The following YWHAH variants were observed in gnomAD, a reference collection of about 807,000 sequenced individuals.
The protein encoded by YWHAH is tyrosine 3-monooxygenase/tryptophan 5-monooxygenase activation protein eta.
A neutral mutation model predicts 22.9 loss-of-function variants in YWHAH; 6 were observed. The ratio of observed to expected loss-of-function variants is 0.26; its 90% CI spans 0.14 to 0.52. The LOEUF is 0.52. YWHAH is among the 20% of genes least tolerant of loss of function. YWHAH has a pLI of 0.97. For synonymous variants in YWHAH, 135 were observed against 124.5 expected (o/e 1.08, Z -0.56); for missense variants, 173 against 308.6 (o/e 0.56, Z 3.29).
chr22:31,944,923 G>T, intron 1 of YWHAH, 103 bp downstream of exon 1: 6 of 1,141,018 alleles, frequency 5.3e-6, no homozygotes, highest in Non-Finnish European at 6.5e-6. Flanking sequence ...TGGGCGACCC[G>T]GCGACCCGGC....
chr22:31,944,704 GGC>G lies in YWHAH; in HGVS notation c.-26_-25del. On this transcript the variant is annotated 5_prime_UTR_variant, in exon 1 of 2. Transcript: ENST00000248975. ...GAGGGCTAGCGAGCCAGCGGTGTGA[GGC>G]GCGAGGCGAGGCCGAGCCGCGAGCG... 2 of 1,357,946 alleles carry G rather than the reference GGC, an allele frequency of 1.5e-6. No individual in the cohort carries two copies. Among genetic ancestry groups the G allele is most frequent in the Non-Finnish European group, 1.9e-6 (2 of 1,045,566 alleles). The allele number at this position is 1,357,946 out of a possible 1,614,324, so 84.1% of individuals were successfully genotyped here.
At chr22:31,945,302 T>G in intron 1 of YWHAH, 1 of 1,202,918 alleles carries the variant, frequency 8.3e-7, no homozygotes, top group Non-Finnish European at 1.1e-6. Context: ...CCGATCTGTT[T>G]TGCTCTGCTC....
chr22:31,945,379 C>T (rs2093832483), intron 1 of YWHAH: 9 of 1,286,902 alleles, frequency 7.0e-6, no homozygotes, highest in Non-Finnish European at 8.2e-6. Context: ...AGACCCCTTT[C>T]CTGCAGTCTA....
chr22:31,950,462 C>G (rs776814990), intron 1 of YWHAH: 1 of 773,166 alleles, frequency 1.3e-6, no homozygotes, highest in South Asian at 1.3e-5. Flanking sequence ...CCTGGCACAG[C>G]TTCTGAAGCC....
Position 31,957,038 on chromosome 22 carries a change from G to T in YWHAH, c.*246G>T. On this transcript the variant is annotated 3_prime_UTR_variant, in exon 2 of 2. Transcript: ENST00000248975. Reference sequence around the variant, plus strand: ...GTGTGGAGAAGTGTGTTCTGATGAGGCATTTTACTATGCCTGTTGATCTAT... The same window carrying T: ...GTGTGGAGAAGTGTGTTCTGATGAGTCATTTTACTATGCCTGTTGATCTAT... 2.3e-6 allele frequency: 1 copy of T among 443,742 alleles called. No individual in the cohort carries two copies. The highest frequency in any genetic ancestry group is 4.0e-6 in the Non-Finnish European group (1 of 252,464). 27.5% of individuals were successfully genotyped at this position (443,742 alleles called of 1,614,324 possible). A position where few individuals can be genotyped will look rare whatever the true frequency, so the allele number is the denominator to read the frequency against.
intron 1 of YWHAH, among the ~76,000 whole-genome samples, chr22:31,951,426 G>A (rs2093843165): frequency 6.6e-6 from 1 of 152,202 alleles, no homozygotes; most frequent in Non-Finnish European, 1.5e-5. Flanking sequence ...ATTCGAGTGA[G>A]GTAGCATTAC....
At chr22:31,944,859 G>A (rs775885217) in intron 1 of YWHAH, 39 bp downstream of exon 1, 5 of 1,301,982 alleles carry the variant, frequency 3.8e-6, no homozygotes, top group South Asian at 1.8e-5. Context: ...GCCGGGGGGG[G>A]CCTGGCGTTG....
chr22:31,949,955 C>T (rs2093840762), intron 1 of YWHAH, among the ~76,000 whole-genome samples: 1 of 137,932 alleles, frequency 7.2e-6, no homozygotes, highest in African/African-American at 2.5e-5. Flanking sequence ...GGGTGCAAGT[C>T]ATTTTTTTTT....
intron 1 of YWHAH, among the ~76,000 whole-genome samples, chr22:31,953,454 G>A (rs769529063): frequency 3.3e-5 from 5 of 152,222 alleles, no homozygotes; most frequent in Admixed American, 2.6e-4. Context: ...ATGCAGGTGT[G>A]AGATGTGCCA....
At chr22:31,944,999 C>T (rs2093831497) in intron 1 of YWHAH, 179 bp downstream of exon 1, 2 of 1,119,638 alleles carry the variant, frequency 1.8e-6, no homozygotes, top group African/African-American at 3.3e-5. Context: ...CCGCCACTTC[C>T]TGAGGCTGGG....
intron 1 of YWHAH, chr22:31,945,699 C>T (rs993280761): frequency 1.3e-5 from 16 of 1,238,828 alleles, no homozygotes; most frequent in Non-Finnish European, 1.7e-5. Context: ...ATTTCCTCTC[C>T]CTGCGTCAAG....
chr22:31,956,992 C>T lies in YWHAH; in HGVS notation c.*200C>T. Reference sequence around the variant, plus strand: ...TGGACTGATGGTTGCTTTGAGCCCACAGGAGCTCCCTTTTTGAATTGTGTG... The same window carrying T: ...TGGACTGATGGTTGCTTTGAGCCCATAGGAGCTCCCTTTTTGAATTGTGTG... On this transcript the variant is annotated 3_prime_UTR_variant, in exon 2 of 2. Coordinates refer to ENST00000248975, the MANE Select transcript of YWHAH (RefSeq NM_003405.4). The surrounding 1 kb of genome is among the most constrained non-coding windows in gnomAD (Gnocchi z 5.1). 1.6e-6 allele frequency: 1 copy of T among 637,224 alleles called. No homozygotes were observed. The highest frequency in any genetic ancestry group is 2.6e-6 in the Non-Finnish European group (1 of 388,614). 39.5% of individuals were successfully genotyped at this position (637,224 alleles called of 1,614,324 possible). A position where few individuals can be genotyped will look rare whatever the true frequency, so the allele number is the denominator to read the frequency against.
Position 31,944,697 on chromosome 22 carries a change from G to T in YWHAH, c.-37G>T, listed in dbSNP as rs1277586999. On this transcript the variant is annotated 5_prime_UTR_variant, in exon 1 of 2. Coordinates refer to ENST00000248975, the MANE Select transcript of YWHAH (RefSeq NM_003405.4). Reference sequence around the variant, plus strand: ...CCGGCGGGAGGGCTAGCGAGCCAGCGGTGTGAGGCGCGAGGCGAGGCCGAG... The same window carrying T: ...CCGGCGGGAGGGCTAGCGAGCCAGCTGTGTGAGGCGCGAGGCGAGGCCGAG... 6 of 1,338,702 alleles carry T rather than the reference G, an allele frequency of 4.5e-6. No homozygotes were observed. Among genetic ancestry groups the T allele is most frequent in the Admixed American group, 5.5e-5 (2 of 36,618 alleles). The allele number at this position is 1,338,702 out of a possible 1,614,324, so 82.9% of individuals were successfully genotyped here.
intron 1 of YWHAH, among the ~76,000 whole-genome samples, chr22:31,952,476 A>G (rs2093844617): frequency 6.6e-6 from 1 of 152,246 alleles, no homozygotes; most frequent in Non-Finnish European, 1.5e-5. Flanking sequence ...CTGGTCAAGT[A>G]GTAAGCCATC....
intron 1 of YWHAH, among the ~76,000 whole-genome samples, chr22:31,955,627 G>A (rs1405850491): frequency 6.6e-6 from 1 of 151,978 alleles, no homozygotes; most frequent in African/African-American, 2.4e-5. Flanking sequence ...ATTTTTAGTA[G>A]AGATGGGGTT....
At position 31,956,696 on chromosome 22, in the gene YWHAH, C is replaced by T. The variant is rs1335723917; in HGVS notation, c.645C>T (p.Ser215=). ...AGCTGGACACACTAAACGAGGATTC[C>T]TATAAGGACTCCACGCTGATCATGC... The part of the protein sequence containing the change: ...IAELDTLNED[S]YKDSTLIMQL... Residue 215 remains serine (S), a synonymous_variant, in exon 2 of 2, where the codon TCC becomes TCT. Transcript: ENST00000248975. The surrounding 1 kb of genome is among the most constrained non-coding windows in gnomAD (Gnocchi z 5.1). The T allele has an allele frequency of 1.2e-6, 2 of 1,614,084 alleles. No individual in the cohort carries two copies. The highest frequency in any genetic ancestry group is 2.2e-5 in the East Asian group (1 of 44,886).
intron 1 of YWHAH, among the ~76,000 whole-genome samples, chr22:31,952,392 T>C (rs1330926137): frequency 6.6e-6 from 1 of 152,204 alleles, no homozygotes; most frequent in East Asian, 1.9e-4. Flanking sequence ...CATCTTTTTG[T>C]TTTAATGGAC....
chr22:31,953,557 G>A (rs532901228), intron 1 of YWHAH, among the ~76,000 whole-genome samples: 10 of 152,290 alleles, frequency 6.6e-5, no homozygotes, highest in Admixed American at 3.3e-4. Context: ...TCTATTTTCC[G>A]TAAGAAAATG....
intron 1 of YWHAH, among the ~76,000 whole-genome samples, chr22:31,949,914 T>A (rs1274117748): frequency 6.6e-6 from 1 of 152,020 alleles, no homozygotes; most frequent in East Asian, 1.9e-4. Context: ...TCTTCATAAG[T>A]GGGCTTACTA....
Sources: allele counts gnomAD v4.1 joint callset (sites outside exome capture counted in the v4.1 genomes callset), GRCh38; gene constraint gnomAD v4.1.1; non-coding constraint Gnocchi (gnomAD v3.1); transcripts MANE v1.5; gene names NCBI Gene and HGNC (gene_info 2026-07-23, HGNC 2026-07-21).